The following LNX1 variants were observed in gnomAD, a reference collection of about 807,000 sequenced individuals.
The protein encoded by LNX1 is ligand of numb-protein X 1.
A neutral mutation model predicts 68.4 loss-of-function variants in LNX1; 54 were observed. The observed-to-expected ratio is 0.79, with a 90% CI of 0.63 to 0.99. The LOEUF is 0.99. Among genes scored for constraint, LNX1 ranks in the 50% least tolerant of loss-of-function variants. The pLI, the probability that LNX1 is intolerant of heterozygous loss-of-function variation, is 0.00. For missense variants in LNX1, 906 were observed against 926.4 expected (o/e 0.98, Z 0.29); for synonymous variants, 336 against 350.0 (o/e 0.96, Z 0.45).
chr4:53,593,132 A>G (rs1732590592), upstream of LNX1: 1 of 152,238 alleles, frequency 6.6e-6, no homozygotes, highest in Non-Finnish European at 1.5e-5. Flanking sequence ...AAAACCTTTT[A>G]CACTCAGGTG....
chr4:53,575,701 G>A (rs1731440543), intron 1 of LNX1: 4 of 1,397,366 alleles, frequency 2.9e-6, no homozygotes, highest in South Asian at 4.3e-5. Flanking sequence ...TAATCAAGGA[G>A]GAAGCAGCAG....
chr4:53,640,286 G>A (rs1187945679), intron 1 of LNX1, among the ~76,000 whole-genome samples: 2 of 152,212 alleles, frequency 1.3e-5, no homozygotes. Flanking sequence ...TGGAAAAGCA[G>A]ACCAGGGAGC....
Position 53,555,218 on chromosome 4 carries a change from A to G in LNX1, c.380+18405T>C, listed in dbSNP as rs139185442. Among the ~76,000 whole-genome samples the G allele has an allele frequency of 8.1e-3, 1,232 of 152,206 alleles. 16 individuals are homozygous for G. The highest frequency in any genetic ancestry group is 0.027 in the African/African-American group (1,139 of 41,544). On this transcript the variant is annotated intron_variant, in intron 2 of 10. Transcript: ENST00000263925. ...GCATCACCCATCATTCCTGCTCCCA[A>G]GCGTGCTAAACTGGCCCAGCAGCCC... is the stretch of plus-strand genomic sequence containing the variant.
chr4:53,536,289 C>G (rs1317794731), intron 2 of LNX1, among the ~76,000 whole-genome samples: 1 of 150,994 alleles, frequency 6.6e-6, no homozygotes, highest in East Asian at 2.0e-4. Flanking sequence ...GTGCCCAAAG[C>G]CACCTACCTC....
intron 2 of LNX1, among the ~76,000 whole-genome samples, chr4:53,609,726 TATATA>T (rs1309794942): frequency 7.1e-6 from 1 of 141,638 alleles, no homozygotes; most frequent in African/African-American, 2.5e-5. Flanking sequence ...TATAGTACAA[TATATA>T]ATATACTATT....
chr4:53,620,610 C>T (rs1179765214), upstream of LNX1, among the ~76,000 whole-genome samples: 3 of 152,172 alleles, frequency 2.0e-5, no homozygotes, highest in African/African-American at 7.2e-5. Context: ...ACGTGCATTG[C>T]TCCACTGATG....
At chr4:53,536,985 A>G (rs761022595) in intron 2 of LNX1, among the ~76,000 whole-genome samples, 2 of 152,218 alleles carry the variant, frequency 1.3e-5, no homozygotes, top group Non-Finnish European at 2.9e-5. Flanking sequence ...ATGATTTCTA[A>G]TTACTTAGGA....
At chr4:53,651,041 G>T (rs982270305) in intron 1 of LNX1, among the ~76,000 whole-genome samples, 1 of 152,212 alleles carries the variant, frequency 6.6e-6, no homozygotes, top group Non-Finnish European at 1.5e-5. Flanking sequence ...GCAAGGTGAA[G>T]TTAGAGGTGT....
chr4:53,459,412 C>T lies in LNX1; in HGVS notation c.*1495G>A. 2.5e-6 allele frequency: 4 copies of T among 1,612,492 alleles called. No individual in the cohort carries two copies. Among genetic ancestry groups the T allele is most frequent in the Non-Finnish European group, 3.4e-6 (4 of 1,179,400 alleles). On this transcript the variant is annotated 3_prime_UTR_variant, in exon 11 of 11. Coordinates refer to ENST00000263925, the MANE Select transcript of LNX1 (RefSeq NM_001126328.3). The stretch of plus-strand genomic sequence containing the variant: ...AAAGAAGCGGGCAGTGAGCCTGCCC[C>T]TGAACAGGAGAGCACCGAAGCTACA...
chr4:53,508,587 G>T (rs1726097229), intron 2 of LNX1, among the ~76,000 whole-genome samples: 1 of 152,122 alleles, frequency 6.6e-6, no homozygotes, highest in Admixed American at 6.5e-5. Flanking sequence ...TGTTTATTTT[G>T]ACCATGAAAG....
At position 53,496,376 on chromosome 4, in the gene LNX1, T is replaced by C. The variant is rs1188975591; in HGVS notation, c.997A>G (p.Ser333Gly). ...IILKVNGMDISNVPHNYAVRL... is the reference protein window; with the variant it reads ...IILKVNGMDIGNVPHNYAVRL... Reference sequence around the variant, plus strand: ...ACAGCGTAGTTGTGAGGGACATTGCTGATGTCCATCCCGTTGACCTGGGGG... The same window carrying C: ...ACAGCGTAGTTGTGAGGGACATTGCCGATGTCCATCCCGTTGACCTGGGGG... Residue 333 changes from serine to glycine, a missense_variant, in exon 6 of 11, where the codon AGC becomes GGC. Coordinates refer to ENST00000263925, the MANE Select transcript of LNX1 (RefSeq NM_001126328.3). 3.1e-6 allele frequency: 5 copies of C among 1,610,266 alleles called. No individual in the cohort carries two copies. The Admixed American group carries it at 5.0e-5, about 16-fold the overall frequency.
chr4:53,508,068 G>A lies in LNX1; in HGVS notation c.540C>T (p.Asp180=), dbSNP rs766525992. The part of the protein sequence containing the change: ...ISLMTDEPGL[D]NPAYVSSAED... ...CTGCCGAGGACACGTAGGCAGGGTTGTCTAGGCCAGGCTCGTCTGTCATTA... is the reference window on the plus strand; with the variant it reads ...CTGCCGAGGACACGTAGGCAGGGTTATCTAGGCCAGGCTCGTCTGTCATTA... Residue 180 remains aspartate (D), a synonymous_variant, in exon 3 of 11, where the codon GAC becomes GAT. Transcript: ENST00000263925. 3 of 1,614,176 alleles carry A rather than the reference G, an allele frequency of 1.9e-6. No homozygotes were observed. Among genetic ancestry groups the A allele is most frequent in the Non-Finnish European group, 2.5e-6 (3 of 1,180,022 alleles).
intron 1 of LNX1, among the ~76,000 whole-genome samples, chr4:53,644,720 C>T (rs1350846428): frequency 6.6e-6 from 1 of 152,152 alleles, no homozygotes; most frequent in East Asian, 1.9e-4. Flanking sequence ...ACCAGCAGGG[C>T]CTCCTTGCCA....
intron 1 of LNX1, among the ~76,000 whole-genome samples, chr4:53,622,787 G>A (rs563996221): frequency 6.6e-6 from 1 of 152,290 alleles, no homozygotes; most frequent in East Asian, 1.9e-4. Flanking sequence ...GAATAAGAGA[G>A]GGAGGCTGAC....
chr4:53,571,673 T>A (rs1394898069), intron 2 of LNX1, among the ~76,000 whole-genome samples: 1 of 152,058 alleles, frequency 6.6e-6, no homozygotes, highest in Non-Finnish European at 1.5e-5. Context: ...ATTTGTTTTT[T>A]TCTTTTTTTG....
intron 9 of LNX1, among the ~76,000 whole-genome samples, chr4:53,475,308 A>G (rs1454826659): frequency 6.6e-6 from 1 of 152,220 alleles, no homozygotes; most frequent in East Asian, 1.9e-4. Flanking sequence ...AAAACTTTAA[A>G]GTCATACTCT....
chr4:53,505,764 G>T (rs1416205349), intron 4 of LNX1, among the ~76,000 whole-genome samples: 1 of 152,098 alleles, frequency 6.6e-6, no homozygotes, highest in African/African-American at 2.4e-5. Context: ...CATGATCATC[G>T]CTGATACAGG....
rs1356368583 is a variant in LNX1 at position 53,551,471 on chromosome 4, C to CA, written c.380+22151dup. 3.3e-5 allele frequency among the ~76,000 whole-genome samples: 5 copies of CA among 152,214 alleles called. No homozygotes were observed. In the East Asian group the frequency reaches 9.7e-4, roughly 29 times the overall value. The stretch of plus-strand genomic sequence containing the variant: ...GGACTCAAGCATGCGCACTAAGAGG[C>CA]AAAATGGCAGAGTTTAACTGGTATA... On this transcript the variant is annotated intron_variant, in intron 2 of 10. Coordinates refer to ENST00000263925, the MANE Select transcript of LNX1 (RefSeq NM_001126328.3).
chr4:53,470,035 C>CA (rs77005321), intron 9 of LNX1, among the ~76,000 whole-genome samples: 1 of 151,944 alleles, frequency 6.6e-6, no homozygotes, highest in Non-Finnish European at 1.5e-5. Flanking sequence ...AGAGACACAA[C>CA]AAAAAAAGAG....
Sources: allele counts gnomAD v4.1 joint callset (sites outside exome capture counted in the v4.1 genomes callset), GRCh38; gene constraint gnomAD v4.1.1; transcripts MANE v1.5; gene names NCBI Gene and HGNC (gene_info 2026-07-23, HGNC 2026-07-21).